FAM217A: variants seen among roughly 807,000 people sequenced by gnomAD.
The protein encoded by FAM217A is protein FAM217A.
FAM217A carries 13 observed loss-of-function variants against 18.5 expected under a neutral mutation model. The ratio of observed to expected loss-of-function variants is 0.70; its 90% CI spans 0.46 to 1.12. FAM217A has a LOEUF of 1.12. FAM217A is among the 50% of genes most tolerant of loss of function. FAM217A has a pLI of 0.00. For missense variants in FAM217A, 560 were observed against 575.4 expected, an observed-to-expected ratio of 0.97 and a Z score of 0.27; for synonymous variants, 161 against 202.8, an observed-to-expected ratio of 0.79 and a Z score of 1.75.
chr6:4,070,289 CAAACTG>C (rs1157276026), intron 6 of FAM217A, among the ~76,000 whole-genome samples: 1 of 152,044 alleles, frequency 6.6e-6, no homozygotes, highest in Non-Finnish European at 1.5e-5. Flanking sequence ...ATATCTAACT[CAAACTG>C]AAATTAAAGT....
rs73349796 is a variant in FAM217A, at chr6:4,069,117, C to T, written c.1106G>A (p.Arg369Gln). 5.7e-3 allele frequency: 9,275 copies of T among 1,614,084 alleles called. 428 individuals carry two copies. In the African/African-American group the frequency reaches 0.11, roughly 18 times the overall value. The change falls in exon 7 of 7, where the codon CGG becomes CAG. Residue 369 changes from arginine (R) to glutamine (Q), a missense_variant. Physicochemically the swap from Arg to Gln is conservative, Grantham distance 43. Transcript: ENST00000274673. ...ATATTTGCCAGCATTGCTCCAATTCCGTTTTAAAGCATTTTGTTCAAGCTT... is the reference window on the plus strand; with the variant it reads ...ATATTTGCCAGCATTGCTCCAATTCTGTTTTAAAGCATTTTGTTCAAGCTT... Reference protein sequence around the residue: ...SCKLEQNALKRNWSNAGKYRW... With the variant: ...SCKLEQNALKQNWSNAGKYRW...
At chr6:4,075,589 G>A (rs1474147516) in intron 2 of FAM217A, among the ~76,000 whole-genome samples, 1 of 152,214 alleles carries the variant, frequency 6.6e-6, no homozygotes, top group Non-Finnish European at 1.5e-5. Context: ...AATGTGGGAG[G>A]TGTGTAGAAG....
chr6:4,077,352 T>C lies in FAM217A; in HGVS notation c.60+3A>G, dbSNP rs761914380. 1.9e-6 allele frequency: 3 copies of C among 1,614,028 alleles called. No individual in the cohort carries two copies. The African/African-American group carries it at 4.0e-5, about 22-fold the overall frequency. On this transcript the variant is annotated splice_donor_region_variant and intron_variant, in intron 2 of 6. Transcript: ENST00000274673. The stretch of plus-strand genomic sequence containing the variant: ...CACTCAAGTTCAACAGCGCCTGCCA[T>C]ACCTCCTGAGAGATGTTTGACACAC...
chr6:4,083,392 AG>A (rs1460571203), upstream of FAM217A, among the ~76,000 whole-genome samples: 1 of 152,200 alleles, frequency 6.6e-6, no homozygotes, highest in Admixed American at 6.5e-5. Context: ...ATTATTCTGG[AG>A]GGAAAAGCCT....
intron 6 of FAM217A, among the ~76,000 whole-genome samples, chr6:4,070,304 G>C (rs914232776): frequency 8.5e-5 from 13 of 152,142 alleles, no homozygotes; most frequent in Non-Finnish European, 1.5e-4. Context: ...TGAAATTAAA[G>C]TGAAATGTTT....
At chr6:4,079,861 C>A (rs940532887), upstream of FAM217A, among the ~76,000 whole-genome samples, 43 of 151,738 alleles carry the variant, frequency 2.8e-4, no homozygotes, top group African/African-American at 1.0e-3. Context: ...GATTTTTTTT[C>A]TTTTTTCATG....
At position 4,073,764 on chromosome 6, in the gene FAM217A, TTA is replaced by T. The variant is rs138029963; in HGVS notation, c.160-259_160-258del. Among the ~76,000 whole-genome samples the T allele has an allele frequency of 4.5e-3, 679 of 152,338 alleles. 19 individuals are homozygous for T. The highest frequency in any genetic ancestry group is 0.03 in the Admixed American group (459 of 15,300). ...TGTCTTTATTTTGCAGTGAAATGTT[TTA>T]TGTTTTGATCAAAAAGGATAAACAA... On this transcript the variant is annotated intron_variant, in intron 4 of 6. Transcript: ENST00000274673.
chr6:4,085,328 A>AT, intron 1 of FAM217A, among the ~76,000 whole-genome samples: 1 of 149,502 alleles, frequency 6.7e-6, no homozygotes, highest in African/African-American at 2.5e-5. Context: ...ATATATATAT[A>AT]AAATATGTAA....
At chr6:4,073,697 C>T (rs2113865580) in intron 4 of FAM217A, among the ~76,000 whole-genome samples, 190 bp from the exon 5 acceptor site, 1 of 152,090 alleles carries the variant, frequency 6.6e-6, no homozygotes, top group South Asian at 2.1e-4. Flanking sequence ...TTATAAATAC[C>T]AACTAAACTG....
chr6:4,074,803 C>T (rs1769669678), intron 2 of FAM217A, 142 bp from the exon 3 acceptor site: 3 of 618,938 alleles, frequency 4.8e-6, no homozygotes, highest in Middle Eastern at 4.5e-4. Flanking sequence ...AACTTATCAG[C>T]ATCTTTGAGG....
chr6:4,086,879 G>A (rs1362480277), intron 1 of FAM217A: 1 of 397,882 alleles, frequency 2.5e-6, no homozygotes, highest in Non-Finnish European at 4.4e-6. Flanking sequence ...TACTTCTATT[G>A]TTTTCTGCTT....
rs766126896 is a variant in FAM217A at position 4,077,378 on chromosome 6, G to A, written c.37C>T (p.Arg13Cys). 4.3e-6 allele frequency: 7 copies of A among 1,614,052 alleles called. No individual in the cohort carries two copies. In the African/African-American group the frequency reaches 5.3e-5, roughly 12 times the overall value. The part of the protein sequence containing the change: ...RRNENCANSL[R>C]VSNISQENLS... Reference sequence around the variant, plus strand: ...ACCTCCTGAGAGATGTTTGACACACGTAGGCTGTTAGCACAGTTCTCATTT... The same window carrying A: ...ACCTCCTGAGAGATGTTTGACACACATAGGCTGTTAGCACAGTTCTCATTT... The change falls in exon 2 of 7, where the codon CGT becomes TGT. Residue 13 changes from arginine to cysteine, a missense_variant. Coordinates refer to ENST00000274673, the MANE Select transcript of FAM217A (RefSeq NM_173563.3).
chr6:4,073,201 TTCA>T, intron 6 of FAM217A, 71 bp downstream of exon 6: 1 of 1,167,262 alleles, frequency 8.6e-7, no homozygotes, highest in Non-Finnish European at 1.2e-6. Context: ...GTCCTTGTAT[TTCA>T]AATAGTTATC....
chr6:4,082,889 G>C (rs994024990), upstream of FAM217A, among the ~76,000 whole-genome samples: 35 of 152,136 alleles, frequency 2.3e-4, no homozygotes, highest in African/African-American at 8.2e-4. Flanking sequence ...TCCTGTCTCA[G>C]CCTCCCAAGT....
At chr6:4,080,571 GC>G (rs1247202769), upstream of FAM217A, among the ~76,000 whole-genome samples, 1 of 150,166 alleles carries the variant, frequency 6.7e-6, no homozygotes, top group Non-Finnish European at 1.5e-5. Flanking sequence ...CCCTTCTAGG[GC>G]CCTCTCTTCC....
At chr6:4,085,002 G>GA (rs1228061210) in intron 1 of FAM217A, among the ~76,000 whole-genome samples, 1 of 152,134 alleles carries the variant, frequency 6.6e-6, no homozygotes, top group Non-Finnish European at 1.5e-5. Flanking sequence ...AAACTTGCGA[G>GA]AAAATAATAT....
intron 5 of FAM217A, 34 bp downstream of exon 5, chr6:4,073,399 T>A (rs1300909378): frequency 6.3e-7 from 1 of 1,592,292 alleles, no homozygotes; most frequent in Admixed American, 1.7e-5. Flanking sequence ...TTTTAAAATA[T>A]AATATTTTAA....
Position 4,078,997 on chromosome 6 carries a change from G to A in FAM217A, c.-180C>T, listed in dbSNP as rs1258184351. On this transcript the variant is annotated 5_prime_UTR_variant, in exon 1 of 7. Coordinates refer to ENST00000274673, the MANE Select transcript of FAM217A (RefSeq NM_173563.3). ...CAGCGGGGGGACAAAGAGGGCGGCGGGCGGCTGGCGGCCTTGAGCGCAGCC... is the reference window on the plus strand; with the variant it reads ...CAGCGGGGGGACAAAGAGGGCGGCGAGCGGCTGGCGGCCTTGAGCGCAGCC... 6.3e-6 allele frequency: 3 copies of A among 479,414 alleles called. No homozygotes were observed. Among genetic ancestry groups the A allele is most frequent in the Non-Finnish European group, 1.1e-5 (3 of 272,108 alleles). 29.7% of individuals were successfully genotyped at this position (479,414 alleles called of 1,614,324 possible). A position where few individuals can be genotyped will look rare whatever the true frequency, so the allele number is the denominator to read the frequency against.
intron 1 of FAM217A, among the ~76,000 whole-genome samples, chr6:4,078,424 G>C (rs904207218): frequency 1.1e-4 from 17 of 152,190 alleles, no homozygotes; most frequent in Admixed American, 5.2e-4. Flanking sequence ...GTCTCCTACA[G>C]AAAAGTGTAT....
Sources: gnomAD v4.1 joint callset for allele counts (sites outside exome capture counted in the v4.1 genomes callset) on GRCh38, gnomAD v4.1.1 for gene constraint, MANE v1.5 for transcripts, NCBI Gene and HGNC (gene_info 2026-07-23, HGNC 2026-07-21) for gene names.